FRG1: variants seen among roughly 807,000 people sequenced by gnomAD.
The protein encoded by FRG1 is protein FRG1.
A neutral mutation model predicts 37.0 loss-of-function variants in FRG1; 19 were observed. The ratio of observed to expected loss-of-function variants is 0.51; its 90% confidence interval spans 0.36 to 0.75. The LOEUF is 0.75. FRG1 is among the 30% of genes least tolerant of loss of function. FRG1 has a pLI of 0.00. For synonymous variants in FRG1, 73 were observed against 96.5 expected (o/e 0.76, Z 1.43); for missense variants, 243 against 301.4 (o/e 0.81, Z 1.44).
intron 3 of FRG1, 34 bp from the exon 4 acceptor site, chr4:189,953,034 T>G: frequency 6.5e-7 from 1 of 1,534,414 alleles, no homozygotes; most frequent in Non-Finnish European, 8.7e-7. Context: ...ATAGCAAATG[T>G]CAAATTTATT....
At chr4:189,948,856 A>C (rs1235204541) in intron 2 of FRG1, among the ~76,000 whole-genome samples, 1 of 152,246 alleles carries the variant, frequency 6.6e-6, no homozygotes, top group Non-Finnish European at 1.5e-5. Context: ...ACACCCAGCT[A>C]ATTTCTTAAT....
intron 7 of FRG1, chr4:189,961,593 A>G (rs1172554050): frequency 6.7e-6 from 2 of 298,396 alleles, no homozygotes; most frequent in Non-Finnish European, 1.3e-5. Flanking sequence ...TTTTTGGTAG[A>G]GATGGGGTTT....
At chr4:189,954,977 G>T in intron 4 of FRG1, 60 bp from the exon 5 acceptor site, 1 of 1,014,036 alleles carries the variant, frequency 9.9e-7, no homozygotes, top group South Asian at 1.3e-5. Context: ...GTCCTGTTTT[G>T]ATGTCCTATA....
intron 2 of FRG1, among the ~76,000 whole-genome samples, chr4:189,950,984 A>G (rs1736728684): frequency 6.6e-6 from 1 of 152,180 alleles, no homozygotes; most frequent in Non-Finnish European, 1.5e-5. Context: ...ATTCCTTAAT[A>G]TGTCATATCC....
At chr4:189,947,394 C>CT (rs770073683) in intron 2 of FRG1, among the ~76,000 whole-genome samples, 101 of 152,294 alleles carry the variant, frequency 6.6e-4, no homozygotes, top group African/African-American at 2.3e-3. Context: ...ACATTTTAAC[C>CT]TTATTTCTGT....
intron 2 of FRG1, among the ~76,000 whole-genome samples, chr4:189,951,341 A>T (rs1304479179): frequency 1.3e-5 from 2 of 151,974 alleles, no homozygotes; most frequent in African/African-American, 4.8e-5. Context: ...TACAAAAAAA[A>T]TTATTCAGGC....
intron 1 of FRG1, among the ~76,000 whole-genome samples, 159 bp from the exon 2 acceptor site, chr4:189,943,043 C>T (rs1399681583): frequency 1.4e-4 from 22 of 152,162 alleles, no homozygotes. Context: ...CCTGAAGCAA[C>T]TTCTCAGTAC....
chr4:189,956,089 T>G (rs1479281392), intron 5 of FRG1, among the ~76,000 whole-genome samples: 2 of 152,224 alleles, frequency 1.3e-5, no homozygotes, highest in African/African-American at 4.8e-5. Flanking sequence ...ATTTTTACAT[T>G]GCAGCCCAGC....
intron 2 of FRG1, among the ~76,000 whole-genome samples, chr4:189,946,920 T>C (rs1310191451): frequency 6.6e-6 from 1 of 152,170 alleles, no homozygotes; most frequent in East Asian, 1.9e-4. Flanking sequence ...TGGTGCAATC[T>C]CGGCTCACTG....
chr4:189,957,719 C>T (rs1737046379), intron 6 of FRG1, among the ~76,000 whole-genome samples: 1 of 152,068 alleles, frequency 6.6e-6, no homozygotes, highest in Non-Finnish European at 1.5e-5. Context: ...TAGGAGCTAC[C>T]TTGCCATTAT....
At chr4:189,945,390 G>T (rs1421130417) in intron 2 of FRG1, among the ~76,000 whole-genome samples, 1 of 152,168 alleles carries the variant, frequency 6.6e-6, no homozygotes, top group Non-Finnish European at 1.5e-5. Context: ...TGTAGGATCT[G>T]CAGAGAAAAC....
rs759091923 is a variant in FRG1, at chr4:189,940,959, T to A, written c.-51T>A. 1 of 1,492,914 alleles carries A rather than the reference T, an allele frequency of 6.7e-7. No homozygotes were observed. The highest frequency in any genetic ancestry group is 1.7e-5 in the Admixed American group (1 of 59,442). The allele number at this position is 1,492,914 out of a possible 1,614,324, so 92.5% of individuals were successfully genotyped here. On this transcript the variant is annotated 5_prime_UTR_variant, in exon 1 of 9. Coordinates refer to ENST00000226798, the MANE Select transcript of FRG1 (RefSeq NM_004477.3). ...CGCCCCTGTGCTGCCCCGACTCACA[T>A]ACTCGTCCAGAACCGGCCTCAGCCT... is the stretch of plus-strand genomic sequence containing the variant.
chr4:189,946,810 A>C (rs1736548325), intron 2 of FRG1, among the ~76,000 whole-genome samples: 1 of 152,068 alleles, frequency 6.6e-6, no homozygotes, highest in Non-Finnish European at 1.5e-5. Flanking sequence ...GTAGACTTGA[A>C]TGTGTATTCT....
chr4:189,946,092 G>A (rs1257407192), intron 2 of FRG1, among the ~76,000 whole-genome samples: 4 of 152,018 alleles, frequency 2.6e-5, no homozygotes, highest in Non-Finnish European at 4.4e-5. Flanking sequence ...CATCTGTATT[G>A]CAGTCTCTTC....
intron 2 of FRG1, among the ~76,000 whole-genome samples, chr4:189,950,947 T>TATATGATATATTATA (rs1736727919): frequency 6.6e-6 from 1 of 152,206 alleles, no homozygotes; most frequent in African/African-American, 2.4e-5. Context: ...TACTATGTCA[T>TATATGATATATTATA]TATCAGACCT....
chr4:189,942,744 T>A (rs1170481328), intron 1 of FRG1, among the ~76,000 whole-genome samples: 2 of 152,236 alleles, frequency 1.3e-5, no homozygotes, highest in Non-Finnish European at 2.9e-5. Context: ...TGCTGGGTCA[T>A]GTGGTAACTT....
At chr4:189,951,632 T>C (rs1736757514) in intron 2 of FRG1, among the ~76,000 whole-genome samples, 1 of 152,168 alleles carries the variant, frequency 6.6e-6, no homozygotes, top group East Asian at 1.9e-4. Flanking sequence ...ATTCTCTATA[T>C]GTCACTTTGT....
intron 6 of FRG1, among the ~76,000 whole-genome samples, chr4:189,957,968 A>G (rs182984632): frequency 6.6e-6 from 1 of 152,026 alleles, no homozygotes; most frequent in Non-Finnish European, 1.5e-5. Flanking sequence ...AAATTTCTTT[A>G]TAAACATATG....
intron 3 of FRG1, 39 bp downstream of exon 3, chr4:189,952,326 A>G: frequency 6.3e-7 from 1 of 1,592,150 alleles, no homozygotes; most frequent in South Asian, 1.1e-5. Context: ...ACAAGTGTAG[A>G]TTTTAGGACA....
Sources: allele counts gnomAD v4.1 joint callset (sites outside exome capture counted in the v4.1 genomes callset), GRCh38; gene constraint gnomAD v4.1.1; transcripts MANE v1.5; gene names NCBI Gene and HGNC (gene_info 2026-07-23, HGNC 2026-07-21).